CDH13: variants seen among roughly 807,000 people sequenced by gnomAD.
The protein encoded by CDH13 is cadherin 13, also known as cadherin-13.
A neutral mutation model predicts 63.8 loss-of-function variants in CDH13; 24 were observed. The observed-to-expected ratio is 0.38, with a 90% confidence interval of 0.27 to 0.53. The LOEUF (loss-of-function observed/expected upper bound fraction) is 0.53, where lower values mean the gene tolerates loss of function less well. Ranked by LOEUF, CDH13 falls within the 20% of genes least tolerant of loss-of-function variation. The pLI is 0.85. For synonymous variants in CDH13, 503 were observed against 355.3 expected, an observed-to-expected ratio of 1.42 and a Z score of -4.67; for missense variants, 1,049 against 903.1, an observed-to-expected ratio of 1.16 and a Z score of -2.07.
At chr16:83,143,712 G>A (rs1004213484) in intron 4 of CDH13, among the ~76,000 whole-genome samples, 3 of 152,102 alleles carry the variant, frequency 2.0e-5, no homozygotes, top group African/African-American at 4.8e-5. Context: ...TGGGTGCTTC[G>A]TTCTGCTCTT....
intron 7 of CDH13, among the ~76,000 whole-genome samples, chr16:83,498,204 CAGA>C (rs1033272802): frequency 3.7e-4 from 56 of 152,268 alleles, no homozygotes; most frequent in African/African-American, 1.3e-3. Flanking sequence ...GAGATGGGAA[CAGA>C]AGATTTCCCA....
At chr16:82,932,814 G>C (rs1010417268) in intron 2 of CDH13, among the ~76,000 whole-genome samples, 1 of 152,060 alleles carries the variant, frequency 6.6e-6, no homozygotes, top group African/African-American at 2.4e-5. Flanking sequence ...AAGTGTGAAC[G>C]ATTAACTTAA....
At chr16:82,631,642 G>C (rs974313437) in intron 1 of CDH13, among the ~76,000 whole-genome samples, 1 of 152,180 alleles carries the variant, frequency 6.6e-6, no homozygotes, top group African/African-American at 2.4e-5. Flanking sequence ...GGCTCCTCAG[G>C]TATGAACAGG....
chr16:83,271,248 G>A (rs747201755), intron 5 of CDH13, among the ~76,000 whole-genome samples: 2 of 151,358 alleles, frequency 1.3e-5, no homozygotes, highest in Non-Finnish European at 2.9e-5. Flanking sequence ...GATGAAGTCT[G>A]TTAACTAAAA....
At chr16:83,102,911 C>CTTTTTTTTTCTTTTTT (rs1211949695) in intron 3 of CDH13, among the ~76,000 whole-genome samples, 4 of 96,598 alleles carry the variant, frequency 4.1e-5, no homozygotes, top group African/African-American at 1.9e-4. Flanking sequence ...ATTAAACTTT[C>CTTTTTTTTTCTTTTTT]TTTTTTTTTT....
intron 1 of CDH13, among the ~76,000 whole-genome samples, chr16:82,736,175 A>G (rs964718630): frequency 2.6e-5 from 4 of 152,228 alleles, no homozygotes; most frequent in African/African-American, 7.2e-5. Context: ...TCTCGAAGCC[A>G]CTTGTTGATT....
chr16:82,685,403 C>T (rs2150966863), intron 1 of CDH13, among the ~76,000 whole-genome samples: 1 of 152,276 alleles, frequency 6.6e-6, no homozygotes, highest in Non-Finnish European at 1.5e-5. Context: ...AATGGCTCAT[C>T]CTCATGACCT....
intron 8 of CDH13, among the ~76,000 whole-genome samples, chr16:83,666,025 C>T (rs1291842440): frequency 6.6e-6 from 1 of 152,156 alleles, no homozygotes; most frequent in Non-Finnish European, 1.5e-5. Flanking sequence ...CCCAACAGGC[C>T]ACAGTGATTG....
At chr16:83,018,569 C>A (rs1209372093) in intron 2 of CDH13, among the ~76,000 whole-genome samples, 2 of 152,212 alleles carry the variant, frequency 1.3e-5, no homozygotes, top group Non-Finnish European at 2.9e-5. Context: ...GGAACTAGAT[C>A]TTCCAAATGG....
chr16:83,472,438 C>T (rs1362023635), intron 6 of CDH13, among the ~76,000 whole-genome samples: 2 of 152,180 alleles, frequency 1.3e-5, no homozygotes, highest in Non-Finnish European at 2.9e-5. Context: ...CTGGGGAGAG[C>T]AGGAGCCATG....
chr16:83,211,798 G>T (rs575889573), intron 4 of CDH13, among the ~76,000 whole-genome samples: 1 of 152,026 alleles, frequency 6.6e-6, no homozygotes, highest in South Asian at 2.1e-4. Flanking sequence ...CTTTACCCAG[G>T]TATGAGGCAA....
intron 6 of CDH13, among the ~76,000 whole-genome samples, chr16:83,451,157 C>G (rs754694652): frequency 1.3e-5 from 2 of 152,150 alleles, no homozygotes; most frequent in Non-Finnish European, 2.9e-5. Context: ...TTACTCTGTT[C>G]TCACGCTGCT....
At chr16:82,874,485 T>C (rs78534246) in intron 2 of CDH13, among the ~76,000 whole-genome samples, 1 of 152,028 alleles carries the variant, frequency 6.6e-6, no homozygotes, top group African/African-American at 2.4e-5. Context: ...CCAGCTTTTT[T>C]CTTTTCCATT....
At chr16:83,138,136 G>A (rs776013234) in intron 4 of CDH13, among the ~76,000 whole-genome samples, 3 of 152,096 alleles carry the variant, frequency 2.0e-5, no homozygotes, top group Non-Finnish European at 4.4e-5. Flanking sequence ...CTGTTGCATC[G>A]GGTGGTTTGG....
At chr16:83,424,744 C>T (rs16960498) in intron 6 of CDH13, among the ~76,000 whole-genome samples, 5,132 of 152,226 alleles carry the variant, frequency 0.034, 298 homozygotes, top group African/African-American at 0.11. Flanking sequence ...TTTTCTCTCT[C>T]GACTGTAGTT....
intron 7 of CDH13, among the ~76,000 whole-genome samples, chr16:83,491,438 C>G (rs754541933): frequency 3.7e-4 from 56 of 152,280 alleles, no homozygotes; most frequent in Middle Eastern, 6.8e-3. Flanking sequence ...AGATAAAGGT[C>G]TCTAACGTTT....
At chr16:83,325,303 G>A (rs924577793) in intron 5 of CDH13, among the ~76,000 whole-genome samples, 5 of 152,268 alleles carry the variant, frequency 3.3e-5, no homozygotes, top group African/African-American at 9.6e-5. Context: ...AATGAGAGAG[G>A]GGGAGGGAGG....
intron 2 of CDH13, among the ~76,000 whole-genome samples, chr16:83,018,258 G>A (rs1476548296): frequency 1.3e-5 from 2 of 152,120 alleles, no homozygotes; most frequent in Non-Finnish European, 2.9e-5. Context: ...CAACATGACA[G>A]CCCTGCCAAT....
At chr16:83,508,713 T>C (rs538176217) in intron 7 of CDH13, among the ~76,000 whole-genome samples, 34 of 152,326 alleles carry the variant, frequency 2.2e-4, no homozygotes, top group African/African-American at 8.2e-4. Flanking sequence ...GTATTGACTC[T>C]TTTACATATT....
Sources: allele counts gnomAD v4.1 joint callset (sites outside exome capture counted in the v4.1 genomes callset), GRCh38; gene constraint gnomAD v4.1.1; transcripts MANE v1.5; gene names NCBI Gene and HGNC (gene_info 2026-07-23, HGNC 2026-07-21).